PRR16: variants seen among roughly 807,000 people sequenced by gnomAD.
PRR16 encodes the protein protein Largen.
Under a neutral mutation model 18.2 loss-of-function variants are expected in PRR16, and 6 were observed. That is an observed-to-expected ratio of 0.33 (90% CI 0.18 to 0.65). The LOEUF (loss-of-function observed/expected upper bound fraction) is 0.65, where lower values mean the gene tolerates loss of function less well. Ranked by LOEUF, PRR16 falls within the 30% of genes least tolerant of loss-of-function variation. The probability of loss-of-function intolerance (pLI) is 0.74; values close to 1 mark genes in which losing one functional copy is unlikely to be tolerated. For missense variants in PRR16, 412 were observed against 376.6 expected (o/e 1.09, Z -0.78); for synonymous variants, 151 against 147.8 (o/e 1.02, Z -0.16).
rs1291847904 is a variant in PRR16, at chr5:120,602,471, C to CT, written c.160-83480dup. On this transcript the variant is annotated intron_variant, in intron 1 of 1. Coordinates refer to ENST00000407149, the MANE Select transcript of PRR16 (RefSeq NM_001300783.2). Reference sequence around the variant, plus strand: ...AGTTCCAGTAGCCTTTTGGCAGAGTCTTTAGGATTTTCTAGGTATAGAATT... The same window carrying CT: ...AGTTCCAGTAGCCTTTTGGCAGAGTCTTTTAGGATTTTCTAGGTATAGAATT... Among the ~76,000 whole-genome samples, 4 of 152,022 alleles carry CT rather than the reference C, an allele frequency of 2.6e-5. No homozygotes were observed. The East Asian group carries it at 7.7e-4, about 29-fold the overall frequency.
chr5:120,784,472 T>G, the PRR16 span, among the ~76,000 whole-genome samples: 1 of 152,218 alleles, frequency 6.6e-6, no homozygotes, highest in Non-Finnish European at 1.5e-5. Flanking sequence ...GTTGAGCATA[T>G]TTTGTATATG....
chr5:120,476,848 T>C (rs897306838), intron 1 of PRR16, among the ~76,000 whole-genome samples: 2 of 152,188 alleles, frequency 1.3e-5, no homozygotes, highest in Admixed American at 6.5e-5. Context: ...AAGAGTTCTC[T>C]GTATTTGCTG....
chr5:120,474,147 T>C (rs879522183), intron 1 of PRR16, among the ~76,000 whole-genome samples: 6 of 152,116 alleles, frequency 3.9e-5, no homozygotes, highest in South Asian at 2.1e-4. Flanking sequence ...TGTCTAAGGA[T>C]TTTGATTCTT....
At chr5:120,654,517 A>G (rs1415553752) in intron 1 of PRR16, among the ~76,000 whole-genome samples, 1 of 151,908 alleles carries the variant, frequency 6.6e-6, no homozygotes, top group Non-Finnish European at 1.5e-5. Context: ...ATCACCTCCA[A>G]CAAAAATTAA....
the PRR16 span, among the ~76,000 whole-genome samples, chr5:120,741,496 C>T: frequency 6.6e-6 from 1 of 152,018 alleles, no homozygotes; most frequent in Admixed American, 6.6e-5. Flanking sequence ...CATTTTAGGC[C>T]AATGTTGTAT....
At chr5:120,660,930 G>T (rs1756153545) in intron 1 of PRR16, among the ~76,000 whole-genome samples, 1 of 151,990 alleles carries the variant, frequency 6.6e-6, no homozygotes, top group South Asian at 2.1e-4. Context: ...TTTTTTATTT[G>T]TGTGTTTGTT....
intron 1 of PRR16, among the ~76,000 whole-genome samples, chr5:120,464,992 C>A (rs929407410): frequency 4.4e-4 from 67 of 152,058 alleles, no homozygotes; most frequent in African/African-American, 1.5e-3. Context: ...CCGGCTGGAG[C>A]GTGCAAGATG....
At chr5:120,665,588 T>C (rs973002433) in intron 1 of PRR16, among the ~76,000 whole-genome samples, 1 of 152,180 alleles carries the variant, frequency 6.6e-6, no homozygotes, top group Non-Finnish European at 1.5e-5. Flanking sequence ...TTTATGGTTT[T>C]AGGTCTAACA....
At chr5:120,620,679 G>A (rs1561577807) in intron 1 of PRR16, among the ~76,000 whole-genome samples, 1 of 151,862 alleles carries the variant, frequency 6.6e-6, no homozygotes, top group Non-Finnish European at 1.5e-5. Context: ...TGTTTTGCTG[G>A]GTCCTTGCTT....
At chr5:120,672,658 T>G (rs1167098715) in intron 1 of PRR16, among the ~76,000 whole-genome samples, 1 of 152,088 alleles carries the variant, frequency 6.6e-6, no homozygotes, top group Non-Finnish European at 1.5e-5. Context: ...CAGCATACTC[T>G]TATTCTTATT....
the PRR16 span, among the ~76,000 whole-genome samples, chr5:120,703,081 TGG>T: frequency 6.6e-6 from 1 of 151,454 alleles, no homozygotes; most frequent in Non-Finnish European, 1.5e-5. Context: ...GAGATAAGGG[TGG>T]GGCCATTTTA....
Position 120,639,662 on chromosome 5 carries a change from A to C in PRR16, c.160-46292A>C, listed in dbSNP as rs945831834. Among the ~76,000 whole-genome samples the C allele has an allele frequency of 3.9e-5, 6 of 152,034 alleles. No individual in the cohort carries two copies. The South Asian group carries it at 1.2e-3, about 32-fold the overall frequency. On this transcript the variant is annotated intron_variant, in intron 1 of 1. Transcript: ENST00000407149. Reference sequence around the variant, plus strand: ...ATAACAGGTGTTTGCTAGGTTGCAGAAAAAAGGGAACACCTCTACACTGTT... The same window carrying C: ...ATAACAGGTGTTTGCTAGGTTGCAGCAAAAAGGGAACACCTCTACACTGTT...
At chr5:120,642,545 T>C (rs1034704699) in intron 1 of PRR16, among the ~76,000 whole-genome samples, 4 of 152,118 alleles carry the variant, frequency 2.6e-5, no homozygotes, top group Non-Finnish European at 4.4e-5. Flanking sequence ...TGTTGCTTGG[T>C]ATGTAAACTC....
chr5:120,699,833 GATCA>G, the PRR16 span, among the ~76,000 whole-genome samples: 5 of 152,212 alleles, frequency 3.3e-5, no homozygotes, highest in African/African-American at 1.2e-4. Context: ...GGGTTTGAGA[GATCA>G]GTCAGACAAG....
At chr5:120,694,661 G>A in the PRR16 span, among the ~76,000 whole-genome samples, 7 of 149,526 alleles carry the variant, frequency 4.7e-5, no homozygotes, top group Admixed American at 4.7e-4. Context: ...CTCCAGCCTG[G>A]GCGACAGCGA....
the PRR16 span, among the ~76,000 whole-genome samples, chr5:120,783,173 A>ATGAT: frequency 3.3e-5 from 5 of 152,324 alleles, no homozygotes; most frequent in South Asian, 1.0e-3. Flanking sequence ...CTTAGAACCA[A>ATGAT]TGATAGAATT....
chr5:120,666,037 A>T (rs754599295), intron 1 of PRR16, among the ~76,000 whole-genome samples: 2,160 of 152,178 alleles, frequency 0.014, 39 homozygotes, highest in Middle Eastern at 0.11. Flanking sequence ...GAATCTATAA[A>T]TTACCTTGGG....
the PRR16 span, among the ~76,000 whole-genome samples, chr5:120,719,590 G>T: frequency 6.6e-6 from 1 of 151,564 alleles, no homozygotes; most frequent in Admixed American, 6.6e-5. Context: ...ATAGTACGAT[G>T]ATTTGTGACA....
chr5:120,729,715 A>G, the PRR16 span, among the ~76,000 whole-genome samples: 1 of 152,146 alleles, frequency 6.6e-6, no homozygotes, highest in Non-Finnish European at 1.5e-5. Flanking sequence ...AATGATATTG[A>G]GTGGAGAGTC....
Sources: allele counts gnomAD v4.1 joint callset (sites outside exome capture counted in the v4.1 genomes callset), GRCh38; gene constraint gnomAD v4.1.1; transcripts MANE v1.5; gene names NCBI Gene and HGNC (gene_info 2026-07-23, HGNC 2026-07-21).